Variants in WHRN observed in about 807,000 individuals in gnomAD.
WHRN encodes whirlin.
A neutral mutation model predicts 68.3 loss-of-function variants in WHRN; 41 were observed. The ratio of observed to expected loss-of-function variants is 0.60; its 90% CI spans 0.47 to 0.78. The LOEUF (loss-of-function observed/expected upper bound fraction) is 0.78. Among genes scored for constraint, WHRN ranks in the 30% least tolerant of loss-of-function variants. The probability of loss-of-function intolerance (pLI) is 0.00; values close to 1 mark genes in which losing one functional copy is unlikely to be tolerated. For missense variants in WHRN, 1,243 were observed against 1,244.7 expected (o/e 1.00, Z 0.02); for synonymous variants, 560 against 561.3 (o/e 1.00, Z 0.03).
rs142568702 is a variant in WHRN, at chr9:114,406,599, C to T, written c.1992G>A (p.Pro664=). The stretch of plus-strand genomic sequence containing the variant: ...TGACCAGGGCCAGATGGGCGTCCAG[C>T]GGCCTCTTGGAGCTGGGGTTGGCAG... ...VSPANPSSKR[P]LDAHLALVNQ... The change falls in exon 9 of 12, where the codon CCG becomes CCA. Residue 664 remains proline (P), a synonymous_variant. Transcript: ENST00000362057. 344 of 1,610,300 alleles carry T rather than the reference C, an allele frequency of 2.1e-4. 2 individuals carry two copies. In the African/African-American group the frequency reaches 2.8e-3, roughly 13 times the overall value.
chr9:114,481,182 G>A (rs1303537200), intron 1 of WHRN, among the ~76,000 whole-genome samples: 1 of 152,206 alleles, frequency 6.6e-6, no homozygotes, highest in African/African-American at 2.4e-5. Context: ...GCCCTGGCTA[G>A]GCAAGGCCTG....
chr9:114,409,077 CATCATTGCGTGGGCCA>C (rs1835242397), intron 7 of WHRN, among the ~76,000 whole-genome samples: 1 of 152,236 alleles, frequency 6.6e-6, no homozygotes, highest in South Asian at 2.1e-4. Context: ...TCTCAACCTC[CATCATTGCGTGGGCCA>C]ATCCCACACA....
intron 1 of WHRN, among the ~76,000 whole-genome samples, chr9:114,486,110 C>T (rs1842454983): frequency 6.6e-6 from 1 of 152,194 alleles, no homozygotes. Context: ...TAAATGCATG[C>T]TAATTCCCTT....
chr9:114,492,552 T>C (rs2133329876), intron 1 of WHRN, among the ~76,000 whole-genome samples: 1 of 152,306 alleles, frequency 6.6e-6, no homozygotes, highest in East Asian at 1.9e-4. Flanking sequence ...TTGGGAAGAA[T>C]TCCCAATACA....
At position 114,505,380 on chromosome 9, in the gene WHRN, C is replaced by T. The variant is rs1040678038; in HGVS notation, c.-579G>A. The stretch of plus-strand genomic sequence containing the variant: ...GGTGCGGGGCATGTCCGGGGCAGCC[C>T]CGGGATGCAGCCGCCCGGGGAGCCT... On this transcript the variant is annotated 5_prime_UTR_variant, in exon 1 of 12. Coordinates refer to ENST00000362057, the MANE Select transcript of WHRN (RefSeq NM_015404.4). The T allele has an allele frequency of 4.0e-5, 6 of 150,768 alleles. No homozygotes were observed. The highest frequency in any genetic ancestry group is 1.5e-4 in the African/African-American group (6 of 41,098). 9.3% of individuals were successfully genotyped at this position (150,768 alleles called of 1,614,324 possible).
chr9:114,453,274 A>G (rs961604060), intron 3 of WHRN, among the ~76,000 whole-genome samples: 6 of 152,098 alleles, frequency 3.9e-5, no homozygotes, highest in African/African-American at 1.4e-4. Context: ...TTAAACAACC[A>G]GCTCTCACAT....
intron 3 of WHRN, among the ~76,000 whole-genome samples, chr9:114,444,709 C>T (rs1466260016): frequency 6.6e-6 from 1 of 151,844 alleles, no homozygotes; most frequent in Admixed American, 6.6e-5. Flanking sequence ...AATGGAATTA[C>T]ATAACCATAC....
In WHRN at chr9:114,478,624, C is replaced by T. The variant is rs749399721; in HGVS notation, c.766G>A (p.Gly256Ser). The T allele has an allele frequency of 1.9e-6, 3 of 1,613,888 alleles. No individual in the cohort carries two copies. Among genetic ancestry groups the T allele is most frequent in the African/African-American group, 1.3e-5 (1 of 74,936 alleles). ...TCACCCTCCTGCTGCCTCAGGGCAC[C>T]ACCGTGGGGCTGGGGCAGGCCCGAG... ...PPSGLPQPHG[G>S]ALRQQEGDRR... Residue 256 changes from glycine to serine, a missense_variant, in exon 2 of 12, where the codon GGT becomes AGT. By Grantham distance (56) the Gly-to-Ser change is moderately conservative (BLOSUM62 0). Coordinates refer to ENST00000362057, the MANE Select transcript of WHRN (RefSeq NM_015404.4).
intron 1 of WHRN, among the ~76,000 whole-genome samples, chr9:114,497,375 G>A (rs1018261987): frequency 6.6e-6 from 1 of 152,168 alleles, no homozygotes; most frequent in Non-Finnish European, 1.5e-5. Context: ...TGCTGGGACT[G>A]TAAAGGAAGA....
At chr9:114,451,148 T>G (rs1330472140) in intron 3 of WHRN, among the ~76,000 whole-genome samples, 1 of 152,138 alleles carries the variant, frequency 6.6e-6, no homozygotes, top group Admixed American at 6.5e-5. Flanking sequence ...AGCACTGGAT[T>G]TGGGGTCAGA....
At chr9:114,425,458 T>G (rs980199762) in intron 4 of WHRN, 1 of 432,110 alleles carries the variant, frequency 2.3e-6, no homozygotes, top group African/African-American at 2.0e-5. Flanking sequence ...CTGCCAGACT[T>G]CCTGATTTTT....
intron 3 of WHRN, among the ~76,000 whole-genome samples, chr9:114,448,851 C>T (rs1420783950): frequency 6.6e-6 from 1 of 152,176 alleles, no homozygotes; most frequent in Non-Finnish European, 1.5e-5. Flanking sequence ...GACACATCAC[C>T]CCTGCTGTGC....
intron 1 of WHRN, among the ~76,000 whole-genome samples, chr9:114,491,168 T>C (rs536911209): frequency 5.9e-5 from 9 of 152,304 alleles, no homozygotes; most frequent in African/African-American, 2.2e-4. Context: ...TCTCATTCCA[T>C]GAATAGATAC....
At chr9:114,477,580 T>G (rs568280434) in intron 2 of WHRN, among the ~76,000 whole-genome samples, 1 of 152,254 alleles carries the variant, frequency 6.6e-6, no homozygotes, top group East Asian at 1.9e-4. Context: ...GGCTACAGTC[T>G]TGGTGGTCTT....
chr9:114,448,486 G>A (rs1045058474), intron 3 of WHRN, among the ~76,000 whole-genome samples: 1 of 152,036 alleles, frequency 6.6e-6, no homozygotes, highest in South Asian at 2.1e-4. Flanking sequence ...TAGAAAGAAG[G>A]GCCTAGTCCC....
Position 114,423,433 on chromosome 9 carries a change from T to G in WHRN, c.1507A>C (p.Met503Leu), listed in dbSNP as rs201138894. Reference protein sequence around the residue: ...HLVLRREIESMKARQPPGPGA... With the variant: ...HLVLRREIESLKARQPPGPGA... ...GGGCCTGGGGGCTGCCGCGCCTTCA[T>G]GGACTCAATCTCACGCCTCAGCACC... The change falls in exon 7 of 12, where the codon ATG becomes CTG. Residue 503 changes from methionine (M) to leucine (L), a missense_variant. Met to Leu is a conservative substitution (Grantham distance 15). Coordinates refer to ENST00000362057, the MANE Select transcript of WHRN (RefSeq NM_015404.4). 6 of 1,613,984 alleles carry G rather than the reference T, an allele frequency of 3.7e-6. No individual in the cohort carries two copies. Among genetic ancestry groups the G allele is most frequent in the East Asian group, 4.5e-5 (2 of 44,880 alleles).
intron 7 of WHRN, among the ~76,000 whole-genome samples, chr9:114,415,441 G>A (rs1312903302): frequency 6.6e-6 from 1 of 152,048 alleles, no homozygotes; most frequent in Non-Finnish European, 1.5e-5. Flanking sequence ...ATTCTTCTGA[G>A]TGGCCATGTG....
chr9:114,439,066 T>C (rs1456861160), intron 3 of WHRN, among the ~76,000 whole-genome samples: 1 of 134,116 alleles, frequency 7.5e-6, no homozygotes, highest in Non-Finnish European at 1.6e-5. Flanking sequence ...AGCATATAGA[T>C]ATAAATCTGC....
In WHRN at chr9:114,504,294, G is replaced by C. The variant is rs748546471; in HGVS notation, c.508C>G (p.Leu170Val). ...SEHGVGIYVS[L>V]VEPGSLAEKE... Reference sequence around the variant, plus strand: ...TCAGCTAGAGAGCCTGGTTCCACCAGAGACACGTAGATGCCCACGCCGTGC... The same window carrying C: ...TCAGCTAGAGAGCCTGGTTCCACCACAGACACGTAGATGCCCACGCCGTGC... Residue 170 changes from leucine (L) to valine (V), a missense_variant, in exon 1 of 12, where the codon CTG (leucine) becomes GTG (valine). Transcript: ENST00000362057. 33 of 1,613,592 alleles carry C rather than the reference G, an allele frequency of 2.0e-5. No homozygotes were observed. The highest frequency in any genetic ancestry group is 1.6e-4 in the Middle Eastern group (1 of 6,084).
Sources: allele counts gnomAD v4.1 joint callset (sites outside exome capture counted in the v4.1 genomes callset), GRCh38; gene constraint gnomAD v4.1.1; transcripts MANE v1.5; gene names NCBI Gene and HGNC (gene_info 2026-07-23, HGNC 2026-07-21).